NEK1: variants seen among roughly 807,000 people sequenced by gnomAD.
NEK1 encodes the protein serine/threonine-protein kinase Nek1.
A neutral mutation model predicts 182.1 loss-of-function variants in NEK1; 137 were observed. The observed-to-expected ratio is 0.75, with a 90% CI of 0.65 to 0.87. NEK1 has a LOEUF of 0.87. NEK1 is among the 40% of genes least tolerant of loss of function. NEK1 has a pLI of 0.00. For synonymous variants in NEK1, 513 were observed against 492.2 expected, an observed-to-expected ratio of 1.04 and a Z score of -0.56; for missense variants, 1,391 against 1,494.4, an observed-to-expected ratio of 0.93 and a Z score of 1.14.
chr4:169,521,086 GC>G (rs1755909717), intron 19 of NEK1, among the ~76,000 whole-genome samples: 1 of 84,364 alleles, frequency 1.2e-5, no homozygotes, highest in Admixed American at 1.3e-4. Flanking sequence ...CTGGGCAATG[GC>G]GGGCGCCCCT....
chr4:169,495,967 G>A (rs1017969972), intron 23 of NEK1, among the ~76,000 whole-genome samples: 8 of 152,112 alleles, frequency 5.3e-5, no homozygotes, highest in Non-Finnish European at 7.4e-5. Context: ...GATGGGGATG[G>A]CATTGAATCT....
At position 169,463,269 on chromosome 4, in the gene NEK1, A is replaced by G; in HGVS notation, c.2561T>C (p.Leu854Pro). Residue 854 changes from leucine to proline, a missense_variant, in exon 27 of 36, where the codon CTA becomes CCA. Leu to Pro is a moderately conservative substitution (Grantham distance 98). Around this residue, in one of 5 missense-constraint regions of NEK1, gnomAD observed 1,216 missense variants for 1,277.6 expected, o/e 0.95. Transcript: ENST00000507142. Reference sequence around the variant, plus strand: ...ACTTCTAATAGTTGTATTTTCTAATAGTTCTGTCTGAAGTTGTAGTTCAGC... The same window carrying G: ...ACTTCTAATAGTTGTATTTTCTAATGGTTCTGTCTGAAGTTGTAGTTCAGC... ...GEAELQLQTE[L>P]LENTTIRSEI... The G allele has an allele frequency of 1.9e-6, 3 of 1,580,052 alleles. No individual in the cohort carries two copies. The highest frequency in any genetic ancestry group is 1.7e-6 in the Non-Finnish European group (2 of 1,163,672).
intron 31 of NEK1, among the ~76,000 whole-genome samples, chr4:169,412,929 A>C (rs1733916557): frequency 6.6e-6 from 1 of 151,872 alleles, no homozygotes; most frequent in Non-Finnish European, 1.5e-5. Context: ...AGAGGGAAAG[A>C]GGGAGGCAAG....
At chr4:169,434,061 T>C (rs921141117) in intron 28 of NEK1, among the ~76,000 whole-genome samples, 2 of 152,108 alleles carry the variant, frequency 1.3e-5, no homozygotes, top group African/African-American at 4.8e-5. Context: ...ATATTACTGA[T>C]TAGTGACTAA....
At chr4:169,589,612 T>A in intron 6 of NEK1, 98 bp from the exon 7 acceptor site, 1 of 756,720 alleles carries the variant, frequency 1.3e-6, no homozygotes, top group Non-Finnish European at 2.1e-6. Context: ...TTAAAAAAAT[T>A]GTGCTAGAGT....
intron 27 of NEK1, among the ~76,000 whole-genome samples, chr4:169,451,531 TGAC>T (rs1464813822): frequency 6.6e-6 from 1 of 152,190 alleles, no homozygotes; most frequent in Admixed American, 6.5e-5. Flanking sequence ...TGCTCCTGAA[TGAC>T]TACTGGGTAA....
intron 19 of NEK1, among the ~76,000 whole-genome samples, chr4:169,516,411 T>C (rs1314980036): frequency 1.6e-5 from 2 of 123,430 alleles, no homozygotes; most frequent in Non-Finnish European, 3.2e-5. Context: ...TAGGCCTTTG[T>C]CAGATGAGTA....
intron 26 of NEK1, among the ~76,000 whole-genome samples, chr4:169,464,780 G>A (rs2149506961): frequency 6.6e-6 from 1 of 151,978 alleles, no homozygotes; most frequent in East Asian, 1.9e-4. Context: ...CATACATATG[G>A]ATTAAAAAGC....
chr4:169,592,654 T>C (rs1768721101), intron 5 of NEK1, among the ~76,000 whole-genome samples: 1 of 151,290 alleles, frequency 6.6e-6, no homozygotes, highest in African/African-American at 2.4e-5. Context: ...CATGTTTACC[T>C]TTTACTCTAT....
At chr4:169,479,260 G>A (rs547730568) in intron 24 of NEK1, 143 bp downstream of exon 24, 72 of 752,976 alleles carry the variant, frequency 9.6e-5, no homozygotes, top group Admixed American at 2.3e-4. Context: ...AGTATTCTGA[G>A]TAAACTAAAA....
intron 26 of NEK1, among the ~76,000 whole-genome samples, chr4:169,464,442 A>AT (rs1453774714): frequency 6.6e-6 from 1 of 152,136 alleles, no homozygotes; most frequent in African/African-American, 2.4e-5. Context: ...GCTTTTTAAA[A>AT]TGGCTGGAGG....
intron 29 of NEK1, among the ~76,000 whole-genome samples, chr4:169,427,979 C>G (rs1020618767): frequency 2.0e-5 from 3 of 151,082 alleles, no homozygotes; most frequent in African/African-American, 4.9e-5. Flanking sequence ...CACATGCAAC[C>G]ATGCCTGGCT....
At chr4:169,472,194 C>A (rs1299660253) in intron 26 of NEK1, among the ~76,000 whole-genome samples, 1 of 152,098 alleles carries the variant, frequency 6.6e-6, no homozygotes, top group African/African-American at 2.4e-5. Flanking sequence ...ACAAAAAACT[C>A]CTGCAGCCAG....
intron 10 of NEK1, among the ~76,000 whole-genome samples, chr4:169,581,547 A>G (rs1766655673): frequency 1.3e-5 from 2 of 152,172 alleles, no homozygotes. Context: ...AGTGTTCCAA[A>G]GTCCTGGGAT....
chr4:169,411,047 C>T (rs1733588401), intron 31 of NEK1, among the ~76,000 whole-genome samples: 2 of 152,222 alleles, frequency 1.3e-5, no homozygotes, highest in African/African-American at 4.8e-5. Flanking sequence ...GCACAAATAG[C>T]TCAGGCCTAC....
At chr4:169,585,057 T>TG (rs993119537) in intron 10 of NEK1, among the ~76,000 whole-genome samples, 15 of 152,000 alleles carry the variant, frequency 9.9e-5, no homozygotes, top group African/African-American at 3.6e-4. Flanking sequence ...AGTGTGGTGG[T>TG]GCACACCTGT....
chr4:169,401,075 G>GA (rs1489032168), intron 33 of NEK1, among the ~76,000 whole-genome samples: 5 of 152,094 alleles, frequency 3.3e-5, no homozygotes, highest in Admixed American at 2.6e-4. Context: ...TACATTTCAG[G>GA]AAAGCACCTA....
Position 169,599,188 on chromosome 4 carries a change from G to C in NEK1, c.224C>G (p.Ser75Cys). Residue 75 changes from serine (S) to cysteine (C), a missense_variant, in exon 5 of 36, where the codon TCT (serine) becomes TGT (cysteine). This residue lies in a region of NEK1 where 116 missense variants were observed against 114.5 expected (regional missense o/e 1.01). Coordinates refer to ENST00000507142, the MANE Select transcript of NEK1 (RefSeq NM_001199397.3). ...QYRESFEENG[S>C]LYIVMDYCEG... ...ACAGTAATCCATTACTATGTAGAGA[G>C]AGCCATTTTCTACAAAATATAAACA... 6.2e-7 allele frequency: 1 copy of C among 1,607,948 alleles called. No individual in the cohort carries two copies. The highest frequency in any genetic ancestry group is 8.5e-7 in the Non-Finnish European group (1 of 1,175,882).
chr4:169,414,804 C>T (rs1316748096), intron 31 of NEK1, among the ~76,000 whole-genome samples: 1 of 152,112 alleles, frequency 6.6e-6, no homozygotes, highest in Non-Finnish European at 1.5e-5. Context: ...AGAGTTAAGG[C>T]TATATGGTTT....
Sources: gnomAD v4.1 joint callset for allele counts (sites outside exome capture counted in the v4.1 genomes callset) on GRCh38, gnomAD v4.1.1 for gene constraint, gnomAD v4.1.1 regional missense constraint, MANE v1.5 for transcripts, NCBI Gene and HGNC (gene_info 2026-07-23, HGNC 2026-07-21) for gene names.